The following RNF213 variants were observed in gnomAD, a reference collection of about 807,000 sequenced individuals.
RNF213 encodes ring finger protein 213, also known as E3 ubiquitin-protein ligase RNF213.
RNF213 carries 341 observed loss-of-function variants against 514.4 expected under a neutral mutation model. That is an observed-to-expected ratio of 0.66 (90% confidence interval 0.61 to 0.73). The LOEUF (loss-of-function observed/expected upper bound fraction) is 0.73. RNF213 is among the 30% of genes least tolerant of loss of function. The pLI, the probability that RNF213 is intolerant of heterozygous loss-of-function variation, is 0.00. For missense variants in RNF213, 5,767 were observed against 6,615.6 expected (o/e 0.87, Z 4.45); for synonymous variants, 2,655 against 2,658.2 (o/e 1.00, Z 0.04).
rs142707121 is a variant in RNF213, at chr17:80,263,028, A to C, written c.-108-546A>C. The stretch of plus-strand genomic sequence containing the variant: ...TTAGGTGGCCAAGCGCCCAAACGCC[A>C]TCTCCACTCTCACCCTGGATGCAAG... On this transcript the variant is annotated intron_variant, in intron 1 of 67. Transcript: ENST00000582970. The surrounding 1 kb of genome is among the most constrained non-coding windows in gnomAD (Gnocchi z 4.9). Among the ~76,000 whole-genome samples the C allele has an allele frequency of 6.6e-6, 1 of 152,182 alleles. No individual in the cohort carries two copies. Among genetic ancestry groups the C allele is most frequent in the South Asian group, 2.1e-4 (1 of 4,838 alleles).
At chr17:80,327,369 G>T (rs575427186) in intron 18 of RNF213, among the ~76,000 whole-genome samples, 1 of 152,020 alleles carries the variant, frequency 6.6e-6, no homozygotes, top group Admixed American at 6.6e-5. Flanking sequence ...GCATGGTGCT[G>T]TGCACCTGTG....
chr17:80,319,471 T>C (rs1233283795), intron 17 of RNF213, 159 bp downstream of exon 17: 5 of 1,614,000 alleles, frequency 3.1e-6, no homozygotes, highest in Non-Finnish European at 4.2e-6. Context: ...GCAATGGCGC[T>C]GAAATCTAGT....
chr17:80,311,324 A>G (rs1291167950), intron 14 of RNF213, among the ~76,000 whole-genome samples: 1 of 152,218 alleles, frequency 6.6e-6, no homozygotes, highest in African/African-American at 2.4e-5. Flanking sequence ...TTGGAGAACA[A>G]GGTGCCCGTG....
intron 11 of RNF213, among the ~76,000 whole-genome samples, chr17:80,305,288 C>G (rs111823869): frequency 6.6e-6 from 1 of 150,518 alleles, no homozygotes; most frequent in Non-Finnish European, 1.5e-5. Flanking sequence ...AAGTGATTCT[C>G]CTGCCTCAGC....
intron 67 of RNF213, among the ~76,000 whole-genome samples, chr17:80,392,668 C>A (rs2080524617): frequency 6.6e-6 from 1 of 151,046 alleles, no homozygotes; most frequent in Non-Finnish European, 1.5e-5. Context: ...CGGCTCACTG[C>A]AAGCTCCACC....
chr17:80,359,653 T>G (rs2078980782), intron 37 of RNF213, among the ~76,000 whole-genome samples: 1 of 148,662 alleles, frequency 6.7e-6, no homozygotes, highest in Admixed American at 6.7e-5. Flanking sequence ...AAGAAAGAAA[T>G]GGAATTTGAA....
intron 2 of RNF213, among the ~76,000 whole-genome samples, chr17:80,268,396 C>T (rs78733284): frequency 0.018 from 2,684 of 149,730 alleles, 55 homozygotes; most frequent in East Asian, 0.11. Flanking sequence ...ACTGCATCCC[C>T]GGAGGGACTG....
At position 80,334,913 on chromosome 17, in the gene RNF213, A is replaced by G. The variant is rs111743102; in HGVS notation, c.4309+643A>G. 2.2e-3 allele frequency among the ~76,000 whole-genome samples: 306 copies of G among 141,616 alleles called. 1 individual carries two copies. The highest frequency in any genetic ancestry group is 7.5e-3 in the African/African-American group (281 of 37,586). 92.9% of individuals were successfully genotyped at this position (141,616 alleles called of 152,430 possible). On this transcript the variant is annotated intron_variant, in intron 22 of 67. Coordinates refer to ENST00000582970, the MANE Select transcript of RNF213 (RefSeq NM_001256071.3). The stretch of plus-strand genomic sequence containing the variant: ...AGTGCTGGGATTACAGGCATGAGCC[A>G]CTGCACCTGGCCTTTTTTTTTTTTT...
intron 22 of RNF213, among the ~76,000 whole-genome samples, chr17:80,335,122 C>T (rs924541472): frequency 2.6e-5 from 4 of 151,918 alleles, no homozygotes; most frequent in South Asian, 2.1e-4. Flanking sequence ...GGGGTTTCAC[C>T]GTGTTGGCCA....
At chr17:80,320,075 C>T in intron 17 of RNF213, 1 of 969,466 alleles carries the variant, frequency 1.0e-6, no homozygotes, top group Admixed American at 5.2e-5. Context: ...TCCAGTTCAG[C>T]AGGTTTTGGG....
At chr17:80,383,162 G>A (rs933989913) in intron 58 of RNF213, 92 bp downstream of exon 58, 23 of 883,760 alleles carry the variant, frequency 2.6e-5, no homozygotes, top group Admixed American at 3.7e-5. Context: ...GTTGCCCCTC[G>A]TAGCGGTGCC....
rs896333081 is a variant in RNF213 at position 80,333,904 on chromosome 17, T to G, written c.4144-201T>G. On this transcript the variant is annotated intron_variant, in intron 21 of 67. Coordinates refer to ENST00000582970, the MANE Select transcript of RNF213 (RefSeq NM_001256071.3). ...ATATCAGGTTCCCAGGAATCACAGT[T>G]CATCTTGATCAGGGAGAAACAGCCA... 1.5e-5 allele frequency: 9 copies of G among 587,446 alleles called. No individual in the cohort carries two copies. In the Admixed American group the frequency reaches 2.4e-4, roughly 15 times the overall value. 36.4% of individuals were successfully genotyped at this position (587,446 alleles called of 1,614,324 possible). A position where few individuals can be genotyped will look rare whatever the true frequency, so the allele number is the denominator to read the frequency against.
intron 64 of RNF213, 102 bp from the exon 65 acceptor site, chr17:80,389,071 C>A: frequency 1.8e-6 from 2 of 1,129,166 alleles, no homozygotes; most frequent in Non-Finnish European, 1.3e-6. Flanking sequence ...GTTGGCCCCC[C>A]GCATGTGGCT....
intron 22 of RNF213, 56 bp from the exon 23 acceptor site, chr17:80,336,105 A>G (rs2077980555): frequency 7.2e-7 from 1 of 1,383,420 alleles, no homozygotes. Flanking sequence ...CCCAAGACCG[A>G]GTCTTGTGCT....
At position 80,298,356 on chromosome 17, in the gene RNF213, G is replaced by A; in HGVS notation, c.2048G>A (p.Cys683Tyr). The A allele has an allele frequency of 6.2e-7, 1 of 1,614,136 alleles. No homozygotes were observed. Among genetic ancestry groups the A allele is most frequent in the Non-Finnish European group, 8.5e-7 (1 of 1,180,036 alleles). Residue 683 changes from cysteine to tyrosine, a missense_variant, in exon 11 of 68, where the codon TGC becomes TAC. Around this residue, in one of 13 missense-constraint regions of RNF213, gnomAD observed 592 missense variants for 673.9 expected, o/e 0.88. Transcript: ENST00000582970. Reference protein sequence around the residue: ...RLYLVNLCQRCMDTRTYTWLG... With the variant: ...RLYLVNLCQRYMDTRTYTWLG... Reference sequence around the variant, plus strand: ...TACCTGGTGAACCTGTGCCAAAGATGCATGGACACAAGGACGTACACCTGG... The same window carrying A: ...TACCTGGTGAACCTGTGCCAAAGATACATGGACACAAGGACGTACACCTGG...
chr17:80,354,241 G>A (rs2078646087), intron 35 of RNF213, 75 bp downstream of exon 35: 1 of 1,554,054 alleles, frequency 6.4e-7, no homozygotes, highest in South Asian at 1.1e-5. Context: ...ATTTCACTGT[G>A]TGTTGGGGGA....
At position 80,395,723 on chromosome 17, in the gene RNF213, G is replaced by A. The variant is rs1348942019; in HGVS notation, c.*2225G>A. 1 of 152,216 alleles carries A rather than the reference G, an allele frequency of 6.6e-6. No homozygotes were observed. Among genetic ancestry groups the A allele is most frequent in the African/African-American group, 2.4e-5 (1 of 41,448 alleles). 9.4% of individuals were successfully genotyped at this position (152,216 alleles called of 1,614,324 possible). A position where few individuals can be genotyped will look rare whatever the true frequency, so the allele number is the denominator to read the frequency against. ...TAAGAGATAAACAGTAACCCTTCCA[G>A]GAGCCCACTGACGTTGGAGTGCTAA... is the stretch of plus-strand genomic sequence containing the variant. On this transcript the variant is annotated 3_prime_UTR_variant, in exon 68 of 68. Coordinates refer to ENST00000582970, the MANE Select transcript of RNF213 (RefSeq NM_001256071.3).
chr17:80,388,641 C>A lies in RNF213; in HGVS notation c.14952C>A (p.Asp4984Glu). 1.9e-6 allele frequency: 3 copies of A among 1,612,934 alleles called. No individual in the cohort carries two copies. The highest frequency in any genetic ancestry group is 2.5e-6 in the Non-Finnish European group (3 of 1,179,294). ...TACCCACTCTGGTGTACAGACACGA[C>A]TGGAACTATGAACATCTCTTTATGG... ...KGIPTLVYRH[D>E]WNYEHLFMDI... Residue 4984 changes from aspartate to glutamate, a missense_variant, in exon 64 of 68, where the codon GAC becomes GAA. Physicochemically the swap from Asp to Glu is conservative, Grantham distance 45. Coordinates refer to ENST00000582970, the MANE Select transcript of RNF213 (RefSeq NM_001256071.3).
intron 3 of RNF213, among the ~76,000 whole-genome samples, chr17:80,280,869 G>A (rs562667894): frequency 1.3e-5 from 2 of 152,188 alleles, no homozygotes; most frequent in East Asian, 1.9e-4. Context: ...CAACGTACAC[G>A]GGTGGAAACA....
Sources: allele counts gnomAD v4.1 joint callset (sites outside exome capture counted in the v4.1 genomes callset), GRCh38; gene constraint gnomAD v4.1.1; regional missense constraint gnomAD v4.1.1; non-coding constraint Gnocchi (gnomAD v3.1); transcripts MANE v1.5; gene names NCBI Gene and HGNC (gene_info 2026-07-23, HGNC 2026-07-21).